Variants in HPSE2 observed in about 807,000 individuals in gnomAD.
HPSE2 encodes inactive heparanase-2.
HPSE2 carries 38 observed loss-of-function variants against 60.5 expected under a neutral mutation model. The observed-to-expected ratio is 0.63, with a 90% CI of 0.48 to 0.82. The LOEUF (loss-of-function observed/expected upper bound fraction) is 0.82. Among genes scored for constraint, HPSE2 ranks in the 40% least tolerant of loss-of-function variants. The pLI, the probability that HPSE2 is intolerant of heterozygous loss-of-function variation, is 0.00. For synonymous variants in HPSE2, 295 were observed against 293.2 expected (o/e 1.01, Z -0.06); for missense variants, 713 against 740.4 (o/e 0.96, Z 0.43).
chr10:99,286,546 G>A, the HPSE2 span, among the ~76,000 whole-genome samples: 2 of 152,156 alleles, frequency 1.3e-5, no homozygotes, highest in South Asian at 2.1e-4. Flanking sequence ...AGTGGGCGAT[G>A]AGGGTTAGTG....
At chr10:99,093,824 C>A (rs368037858) in intron 3 of HPSE2, among the ~76,000 whole-genome samples, 1 of 152,140 alleles carries the variant, frequency 6.6e-6, no homozygotes, top group Non-Finnish European at 1.5e-5. Flanking sequence ...AAAAAAACTG[C>A]CTCTTAATCT....
At chr10:99,003,108 ATCTT>A (rs1323524103) in intron 3 of HPSE2, among the ~76,000 whole-genome samples, 2 of 152,092 alleles carry the variant, frequency 1.3e-5, no homozygotes, top group African/African-American at 4.8e-5. Flanking sequence ...TGCAGTATTT[ATCTT>A]TCTTTGCCTC....
At chr10:99,118,114 C>T (rs1278556708) in intron 3 of HPSE2, among the ~76,000 whole-genome samples, 1 of 151,898 alleles carries the variant, frequency 6.6e-6, no homozygotes, top group Non-Finnish European at 1.5e-5. Context: ...TGATCCATCA[C>T]ATAAACAGAA....
At chr10:98,522,359 T>C (rs1416234493) in intron 9 of HPSE2, among the ~76,000 whole-genome samples, 3 of 151,758 alleles carry the variant, frequency 2.0e-5, no homozygotes, top group South Asian at 2.1e-4. Flanking sequence ...GAGAAACTAA[T>C]AGGTACTTTG....
intron 9 of HPSE2, among the ~76,000 whole-genome samples, chr10:98,535,796 C>T (rs1564947738): frequency 6.6e-6 from 1 of 152,158 alleles, no homozygotes; most frequent in South Asian, 2.1e-4. Flanking sequence ...CCTGCCTCTT[C>T]ATTAGACCTT....
In HPSE2 at chr10:98,713,689, C is replaced by G. The variant is rs1948727567; in HGVS notation, c.956+7968G>C. On this transcript the variant is annotated intron_variant, in intron 5 of 11. Coordinates refer to ENST00000370552, the MANE Select transcript of HPSE2 (RefSeq NM_021828.5). ...AGTAAATGTGTGGATCCCAGCATTT[C>G]TCAAGCTTACTTGACCATGGAATGT... Among the ~76,000 whole-genome samples, 4 of 152,040 alleles carry G rather than the reference C, an allele frequency of 2.6e-5. No individual in the cohort carries two copies. The South Asian group carries it at 8.3e-4, about 32-fold the overall frequency.
At chr10:98,739,070 C>A (rs1026340865) in intron 4 of HPSE2, among the ~76,000 whole-genome samples, 9 of 152,118 alleles carry the variant, frequency 5.9e-5, no homozygotes, top group Non-Finnish European at 1.0e-4. Context: ...TTGGAACGAA[C>A]CCAAATGCCC....
chr10:99,313,592 A>AAT, the HPSE2 span, among the ~76,000 whole-genome samples: 8 of 84,644 alleles, frequency 9.5e-5, no homozygotes, highest in South Asian at 2.0e-3. Context: ...ACTGACTCCA[A>AAT]TTTTTTTTTT....
intron 3 of HPSE2, among the ~76,000 whole-genome samples, chr10:98,805,257 G>A (rs559377371): frequency 6.6e-6 from 1 of 152,144 alleles, no homozygotes; most frequent in African/African-American, 2.4e-5. Context: ...CAAGGTCATC[G>A]CCAAGGTCTG....
chr10:98,630,963 A>G (rs1946352838), intron 7 of HPSE2, among the ~76,000 whole-genome samples: 1 of 152,102 alleles, frequency 6.6e-6, no homozygotes, highest in Non-Finnish European at 1.5e-5. Flanking sequence ...CATATTTAAC[A>G]TGTCCTTCTT....
chr10:99,078,682 C>T (rs1843028500), intron 3 of HPSE2, among the ~76,000 whole-genome samples: 1 of 152,194 alleles, frequency 6.6e-6, no homozygotes, highest in South Asian at 2.1e-4. Context: ...ATCTCCAATT[C>T]ATTACAGTTG....
chr10:98,860,707 C>A (rs1316371067), intron 3 of HPSE2, among the ~76,000 whole-genome samples: 2 of 152,136 alleles, frequency 1.3e-5, no homozygotes, highest in Admixed American at 1.3e-4. Context: ...AAGGCTATAA[C>A]CTCTTTTGCA....
At chr10:98,989,650 A>C (rs994828597) in intron 3 of HPSE2, among the ~76,000 whole-genome samples, 1 of 146,756 alleles carries the variant, frequency 6.8e-6, no homozygotes, top group African/African-American at 2.4e-5. Context: ...GTATAATAAA[A>C]AAAAAAAAGA....
chr10:99,306,656 T>C, the HPSE2 span, among the ~76,000 whole-genome samples: 1 of 152,206 alleles, frequency 6.6e-6, no homozygotes. Flanking sequence ...GTGAGCAAGA[T>C]GTTGAGACAA....
At chr10:98,779,455 A>G (rs1218917540) in intron 3 of HPSE2, among the ~76,000 whole-genome samples, 3 of 152,146 alleles carry the variant, frequency 2.0e-5, no homozygotes, top group Admixed American at 6.6e-5. Context: ...GAGGAGAGGT[A>G]CCACTTTCCA....
At chr10:98,984,493 C>T (rs1015942295) in intron 3 of HPSE2, among the ~76,000 whole-genome samples, 101 of 152,134 alleles carry the variant, frequency 6.6e-4, no homozygotes, top group Admixed American at 1.8e-3. Context: ...CCCATCTGTA[C>T]GTCACCATCA....
chr10:99,155,634 G>A (rs1164101677), intron 2 of HPSE2, among the ~76,000 whole-genome samples: 14 of 145,062 alleles, frequency 9.7e-5, no homozygotes, highest in Admixed American at 6.3e-4. Flanking sequence ...AGCACTAAAT[G>A]CCCACAAGAG....
chr10:98,468,739 T>C (rs1197323521), intron 11 of HPSE2, among the ~76,000 whole-genome samples: 2 of 152,178 alleles, frequency 1.3e-5, no homozygotes, highest in African/African-American at 4.8e-5. Flanking sequence ...CTAGGAGTCA[T>C]GCCTGGCTGT....
intron 3 of HPSE2, among the ~76,000 whole-genome samples, chr10:98,970,441 A>C (rs1420288612): frequency 6.6e-6 from 1 of 152,200 alleles, no homozygotes; most frequent in African/African-American, 2.4e-5. Context: ...GAGCGGACAC[A>C]TATTCAAACC....
Sources: allele counts gnomAD v4.1 joint callset (sites outside exome capture counted in the v4.1 genomes callset), GRCh38; gene constraint gnomAD v4.1.1; transcripts MANE v1.5; gene names NCBI Gene and HGNC (gene_info 2026-07-23, HGNC 2026-07-21).